The following TRPV4 variants were observed in gnomAD, a reference collection of about 807,000 sequenced individuals.
TRPV4 encodes the protein transient receptor potential cation channel subfamily V member 4, also known as OSM9-like transient receptor potential channel 4.
A neutral mutation model predicts 84.1 loss-of-function variants in TRPV4; 58 were observed. The observed-to-expected ratio is 0.69, with a 90% CI of 0.56 to 0.86. TRPV4 has a LOEUF of 0.86. TRPV4 is among the 40% of genes least tolerant of loss of function. The pLI is 0.00. For missense variants in TRPV4, 879 were observed against 1,181.1 expected (o/e 0.74, Z 3.75); for synonymous variants, 489 against 500.9 (o/e 0.98, Z 0.32).
chr12:109,792,528 G>T, intron 11 of TRPV4, 99 bp from the exon 12 acceptor site: 1 of 1,573,550 alleles, frequency 6.4e-7, no homozygotes, highest in Non-Finnish European at 8.7e-7. Flanking sequence ...CCAGTGTCCA[G>T]ACCATGCCTC....
chr12:109,792,333 G>T (rs749530038), intron 12 of TRPV4, 30 bp downstream of exon 12: 2 of 1,605,838 alleles, frequency 1.2e-6, no homozygotes, highest in South Asian at 2.2e-5. Context: ...CACCACCCCT[G>T]CCAGGACCAC....
In TRPV4 at chr12:109,814,038, T is replaced by G. The variant is rs917588283; in HGVS notation, c.386+373A>C. On this transcript the variant is annotated intron_variant, in intron 2 of 15. Coordinates refer to ENST00000261740, the MANE Select transcript of TRPV4 (RefSeq NM_021625.5). This position sits in a 1 kb window ranked among gnomAD's most constrained non-coding sequence, Gnocchi z 5.4. ...AGATGATAGATGGCTGGATGATGGA[T>G]GGATGTATGGATGGATGATATATGG... Among the ~76,000 whole-genome samples, 1 of 151,590 alleles carries G rather than the reference T, an allele frequency of 6.6e-6. No individual in the cohort carries two copies. The highest frequency in any genetic ancestry group is 1.5e-5 in the Non-Finnish European group (1 of 67,906).
chr12:109,824,127 G>C (rs1345689599), intron 1 of TRPV4, among the ~76,000 whole-genome samples: 1 of 152,074 alleles, frequency 6.6e-6, no homozygotes, highest in Non-Finnish European at 1.5e-5. Flanking sequence ...CGCTGCGCCA[G>C]CTAATTTTTG....
At chr12:109,832,371 C>G (rs1401330291) in intron 1 of TRPV4, 1 of 152,340 alleles carries the variant, frequency 6.6e-6, no homozygotes, top group African/African-American at 2.4e-5. Context: ...TCAAGCGGTT[C>G]TTAGCATCCC....
intron 1 of TRPV4, among the ~76,000 whole-genome samples, chr12:109,820,900 A>G (rs1293085714): frequency 6.6e-6 from 1 of 152,138 alleles, no homozygotes; most frequent in Non-Finnish European, 1.5e-5. Context: ...TGGCATAAAG[A>G]AAGCCTCAAT....
chr12:109,814,867 AGG>A lies in TRPV4; in HGVS notation c.-31-42_-31-41del. ...AAGGGGAGTCAGGCAGAACCCGGCC[AGG>A]GGCGGGGGCTCCAGGAAGCCCCCTC... On this transcript the variant is annotated intron_variant, in intron 1 of 15. Transcript: ENST00000261740. The surrounding 1 kb of genome is among the most constrained non-coding windows in gnomAD (Gnocchi z 5.4). 6.6e-7 allele frequency: 1 copy of A among 1,525,072 alleles called. No homozygotes were observed. Among genetic ancestry groups the A allele is most frequent in the Non-Finnish European group, 8.8e-7 (1 of 1,139,880 alleles). 94.5% of individuals were successfully genotyped at this position (1,525,072 alleles called of 1,614,324 possible).
Position 109,824,493 on chromosome 12 carries a change from C to A in TRPV4, c.-32+8857G>T, listed in dbSNP as rs141494051. ...TAGTCCGGCCGGGCGCAGTGGCTCA[C>A]GCCTGTAATCCCAGCACTTTGGGAG... On this transcript the variant is annotated intron_variant, in intron 1 of 15. Coordinates refer to ENST00000261740, the MANE Select transcript of TRPV4 (RefSeq NM_021625.5). Among the ~76,000 whole-genome samples, 1,416 of 152,168 alleles carry A rather than the reference C, an allele frequency of 9.3e-3. 26 individuals carry two copies. Among genetic ancestry groups the A allele is most frequent in the African/African-American group, 0.032 (1,335 of 41,514 alleles).
At position 109,826,778 on chromosome 12, in the gene TRPV4, C is replaced by G. The variant is rs76054313; in HGVS notation, c.-32+6572G>C. Among the ~76,000 whole-genome samples the G allele has an allele frequency of 2.9e-3, 440 of 152,320 alleles. 3 individuals are homozygous for G. Among genetic ancestry groups the G allele is most frequent in the African/African-American group, 7.1e-3 (295 of 41,574 alleles). ...AGTAACTGCGTGGCCCCAGACGGATCACTTGACCTCTCCGAGCTTCAGTTT... is the reference window on the plus strand; with the variant it reads ...AGTAACTGCGTGGCCCCAGACGGATGACTTGACCTCTCCGAGCTTCAGTTT... On this transcript the variant is annotated intron_variant, in intron 1 of 15. Transcript: ENST00000261740.
intron 1 of TRPV4, among the ~76,000 whole-genome samples, chr12:109,827,723 CAT>C (rs1176335009): frequency 6.6e-6 from 1 of 151,992 alleles, no homozygotes; most frequent in Non-Finnish European, 1.5e-5. Context: ...TATACATACA[CAT>C]ATGCACACAC....
rs1031255698 is a variant in TRPV4, at chr12:109,796,543, C to T, written c.1314G>A (p.Val438=). The change falls in exon 7 of 16, where the codon GTG becomes GTA. Residue 438 remains valine (V), a synonymous_variant. Transcript: ENST00000261740. This position sits in a 1 kb window ranked among gnomAD's most constrained non-coding sequence, Gnocchi z 4.2. ...AGCCCACCTCAATCTTGCTGTTGTA[C>T]ACCAGGATCTCCAGCACGGAGGCCT... The part of the protein sequence containing the change: ...GEEASVLEIL[V]YNSKIENRHE... 4 of 1,613,992 alleles carry T rather than the reference C, an allele frequency of 2.5e-6. No homozygotes were observed. In the African/African-American group the frequency reaches 4.0e-5, roughly 16 times the overall value.
chr12:109,811,122 G>A (rs879391757), intron 2 of TRPV4, among the ~76,000 whole-genome samples: 1 of 152,046 alleles, frequency 6.6e-6, no homozygotes, highest in Non-Finnish European at 1.5e-5. Context: ...ATGACCTTTA[G>A]CTTTGGGCTT....
intron 1 of TRPV4, among the ~76,000 whole-genome samples, chr12:109,818,274 C>A (rs1360552586): frequency 1.3e-5 from 2 of 152,050 alleles, no homozygotes; most frequent in East Asian, 1.9e-4. Context: ...TGCACAGGGG[C>A]CTTTGCTGGG....
chr12:109,807,945 C>T (rs1261004626), intron 3 of TRPV4, among the ~76,000 whole-genome samples: 1 of 152,164 alleles, frequency 6.6e-6, no homozygotes, highest in Non-Finnish European at 1.5e-5. Flanking sequence ...TATGATTATT[C>T]CCCAGTTTAC....
chr12:109,802,838 GCATC>G lies in TRPV4; in HGVS notation c.712+149_712+152del, dbSNP rs111807515. On this transcript the variant is annotated intron_variant, in intron 4 of 15. Coordinates refer to ENST00000261740, the MANE Select transcript of TRPV4 (RefSeq NM_021625.5). ...TCCATCCATCTATCCATGCATCCAT[GCATC>G]CATCCATCCATCCATCCATCCATCC... is the stretch of plus-strand genomic sequence containing the variant. 1.3e-3 allele frequency among the ~76,000 whole-genome samples: 196 copies of G among 151,312 alleles called. 1 individual carries two copies. The highest frequency in any genetic ancestry group is 2.0e-3 in the Non-Finnish European group (135 of 67,874).
chr12:109,808,894 A>C (rs1203502214), intron 2 of TRPV4, among the ~76,000 whole-genome samples: 1 of 149,666 alleles, frequency 6.7e-6, no homozygotes, highest in Non-Finnish European at 1.5e-5. Flanking sequence ...ACCATCACTC[A>C]TCCATCCATC....
At chr12:109,788,089 C>T (rs560428838) in intron 13 of TRPV4, among the ~76,000 whole-genome samples, 3 of 152,200 alleles carry the variant, frequency 2.0e-5, no homozygotes, top group Admixed American at 1.3e-4. Flanking sequence ...CTGATGCCCA[C>T]GGAGCACTTT....
intron 14 of TRPV4, 32 bp from the exon 15 acceptor site, chr12:109,784,469 A>T: frequency 6.2e-7 from 1 of 1,613,690 alleles, no homozygotes; most frequent in Non-Finnish European, 8.5e-7. Flanking sequence ...GTCATGGGGA[A>T]CCCCTCAGAG....
chr12:109,784,175 A>G, intron 15 of TRPV4, 141 bp downstream of exon 15: 3 of 1,367,394 alleles, frequency 2.2e-6, no homozygotes. Context: ...AGGCATTCAC[A>G]AGCAGCAGAG....
intron 1 of TRPV4, among the ~76,000 whole-genome samples, chr12:109,831,358 C>T (rs975660511): frequency 4.6e-5 from 7 of 152,232 alleles, no homozygotes; most frequent in African/African-American, 1.7e-4. Flanking sequence ...ACGGCATTCT[C>T]CCCTGACCCC....
Sources: allele counts gnomAD v4.1 joint callset (sites outside exome capture counted in the v4.1 genomes callset), GRCh38; gene constraint gnomAD v4.1.1; non-coding constraint Gnocchi (gnomAD v3.1); transcripts MANE v1.5; gene names NCBI Gene and HGNC (gene_info 2026-07-23, HGNC 2026-07-21).